Variants in STK17B observed in about 807,000 individuals in gnomAD.
The protein encoded by STK17B is serine/threonine kinase 17b.
Under a neutral mutation model 42.0 loss-of-function variants are expected in STK17B, and 21 were observed. That is an observed-to-expected ratio of 0.50 (90% CI 0.35 to 0.72). STK17B has a LOEUF of 0.72. STK17B is among the 30% of genes least tolerant of loss of function. The probability of loss-of-function intolerance (pLI) is 0.00; values close to 1 mark genes in which losing one functional copy is unlikely to be tolerated. For synonymous variants in STK17B, 143 were observed against 148.4 expected (o/e 0.96, Z 0.26); for missense variants, 349 against 446.0 (o/e 0.78, Z 1.96).
upstream of STK17B, among the ~76,000 whole-genome samples, chr2:196,173,794 C>T (rs536670724): frequency 8.1e-4 from 123 of 152,200 alleles, 1 homozygote; most frequent in Non-Finnish European, 5.3e-4. Context: ...CCAGGGATGG[C>T]GGTTGTTATG....
chr2:196,153,817 A>G (rs1699700996), intron 3 of STK17B: 1 of 152,244 alleles, frequency 6.6e-6, no homozygotes, highest in South Asian at 2.1e-4. Context: ...GAAACTGATT[A>G]GAACTCATTA....
intron 3 of STK17B, among the ~76,000 whole-genome samples, chr2:196,148,586 G>C (rs1481259021): frequency 1.3e-5 from 2 of 151,856 alleles, no homozygotes; most frequent in Non-Finnish European, 1.5e-5. Flanking sequence ...ATAAAAATCA[G>C]ACCAAATAAC....
In STK17B at chr2:196,162,399, TTTC is replaced by T. The variant is rs372427877; in HGVS notation, c.122+860_122+862del. Among the ~76,000 whole-genome samples, 1,039 of 150,786 alleles carry T rather than the reference TTTC, an allele frequency of 6.9e-3. 2 individuals carry two copies. The highest frequency in any genetic ancestry group is 0.011 in the Non-Finnish European group (736 of 67,768). On this transcript the variant is annotated intron_variant, in intron 2 of 7. Coordinates refer to ENST00000263955, the MANE Select transcript of STK17B (RefSeq NM_004226.4). ...TTAGGAGAGGGGGAGAATCTCCCTA[TTTC>T]TTCTTCTTCTTCTTTTTTTTTTTTT...
intron 3 of STK17B, chr2:196,153,846 A>G (rs552696591): frequency 6.6e-6 from 1 of 152,332 alleles, no homozygotes; most frequent in East Asian, 1.9e-4. Flanking sequence ...ATAATGGGTT[A>G]TTTTCCATTA....
chr2:196,157,402 C>T (rs1172157909), intron 2 of STK17B, among the ~76,000 whole-genome samples: 1 of 152,072 alleles, frequency 6.6e-6, no homozygotes, highest in Non-Finnish European at 1.5e-5. Flanking sequence ...ATTAGAATAG[C>T]TTACCTTTAA....
At chr2:196,145,021 C>G (rs184269832) in intron 4 of STK17B, among the ~76,000 whole-genome samples, 1 of 151,574 alleles carries the variant, frequency 6.6e-6, no homozygotes, top group Non-Finnish European at 1.5e-5. Flanking sequence ...AATGACCCAA[C>G]AGGAAGCTGG....
Position 196,151,782 on chromosome 2 carries a change from C to G in STK17B, c.335+4657G>C, listed in dbSNP as rs1473299354. On this transcript the variant is annotated intron_variant, in intron 3 of 7. Transcript: ENST00000263955. ...TTTTCCTCCATATGTATAAATAGAT[C>G]TAATACTACCTTCCAGAAAAGTAAG... 2.0e-5 allele frequency among the ~76,000 whole-genome samples: 3 copies of G among 152,086 alleles called. No individual in the cohort carries two copies. The East Asian group carries it at 5.8e-4, about 29-fold the overall frequency.
At chr2:196,147,435 TG>T (rs1261113001) in intron 3 of STK17B, among the ~76,000 whole-genome samples, 1 of 152,074 alleles carries the variant, frequency 6.6e-6, no homozygotes, top group Non-Finnish European at 1.5e-5. Flanking sequence ...GGAAAAAATA[TG>T]TCATAAGTGT....
chr2:196,174,312 G>C (rs569974455), upstream of STK17B: 9 of 152,272 alleles, frequency 5.9e-5, no homozygotes, highest in African/African-American at 9.6e-5. Context: ...ATTCTGTCCA[G>C]GGAAGGGACC....
At chr2:196,159,613 C>G (rs1699786261) in intron 2 of STK17B, among the ~76,000 whole-genome samples, 1 of 152,152 alleles carries the variant, frequency 6.6e-6, no homozygotes, top group Non-Finnish European at 1.5e-5. Flanking sequence ...TGCACCAGCC[C>G]AAGAGGCTTT....
At chr2:196,174,813 C>T (rs958944463), upstream of STK17B, among the ~76,000 whole-genome samples, 3 of 152,246 alleles carry the variant, frequency 2.0e-5, no homozygotes, top group African/African-American at 7.2e-5. Context: ...CATCCCCTGA[C>T]TCTCTTGAAA....
Position 196,156,566 on chromosome 2 carries a change from CTCT to C in STK17B, c.205_207del (p.Arg69del), listed in dbSNP as rs1699741490. ...AAAATTTCTGCTCGACAATCCTGTC[CTCT>C]TCTTCTCTTTTTTAGAAATTTTGCA... On this transcript the variant is annotated inframe_deletion, in exon 3 of 8. Coordinates refer to ENST00000263955, the MANE Select transcript of STK17B (RefSeq NM_004226.4). 3 of 1,613,928 alleles carry C rather than the reference CTCT, an allele frequency of 1.9e-6. No homozygotes were observed. The highest frequency in any genetic ancestry group is 2.5e-6 in the Non-Finnish European group (3 of 1,179,992).
At chr2:196,151,213 A>G (rs1699661029) in intron 3 of STK17B, 1 of 152,118 alleles carries the variant, frequency 6.6e-6, no homozygotes, top group Non-Finnish European at 1.5e-5. Flanking sequence ...CACTATTTCT[A>G]GGACAAAGTT....
chr2:196,142,335 A>G (rs7422042), intron 5 of STK17B, among the ~76,000 whole-genome samples: 111,312 of 152,058 alleles, frequency 0.73, 41,144 homozygotes, highest in East Asian at 0.91. Flanking sequence ...TGGGATTACA[A>G]GTGTGAGCCA....
intron 1 of STK17B, 54 bp from the exon 2 acceptor site, chr2:196,163,481 ATTACATTACACAGCTCCAAATATAGC>A: frequency 7.3e-7 from 1 of 1,371,206 alleles, no homozygotes. Context: ...CAGGATGTGC[ATTACATTACACAGCTCCAAATATAGC>A]TATAAAATAC....
intron 2 of STK17B, among the ~76,000 whole-genome samples, chr2:196,157,517 A>G (rs1699755393): frequency 6.6e-6 from 1 of 152,186 alleles, no homozygotes; most frequent in Non-Finnish European, 1.5e-5. Flanking sequence ...AACTATCACA[A>G]TTGTCAATTG....
In STK17B at chr2:196,139,816, G is replaced by A; in HGVS notation, c.657-17C>T. 1 of 1,337,304 alleles carries A rather than the reference G, an allele frequency of 7.5e-7. No homozygotes were observed. Among genetic ancestry groups the A allele is most frequent in the Non-Finnish European group, 9.7e-7 (1 of 1,033,452 alleles). 82.8% of individuals were successfully genotyped at this position (1,337,304 alleles called of 1,614,324 possible). A position where few individuals can be genotyped will look rare whatever the true frequency, so the allele number is the denominator to read the frequency against. On this transcript the variant is annotated splice_polypyrimidine_tract_variant and intron_variant, in intron 6 of 7. Coordinates refer to ENST00000263955, the MANE Select transcript of STK17B (RefSeq NM_004226.4). ...CCAATATTCCTGAAAAACAAGGGAG[G>A]GGAACTTAAAATGTATGTTAATTTT...
intron 1 of STK17B, among the ~76,000 whole-genome samples, chr2:196,164,920 T>C (rs1464194964): frequency 6.6e-6 from 1 of 152,202 alleles, no homozygotes; most frequent in African/African-American, 2.4e-5. Flanking sequence ...GGTACATCTC[T>C]AGGAGTCAAA....
chr2:196,137,672 A>G lies in STK17B; in HGVS notation c.894T>C (p.Phe298=), dbSNP rs374655630. 2.0e-5 allele frequency: 32 copies of G among 1,614,126 alleles called. 1 individual carries two copies. The South Asian group carries it at 2.4e-4, about 12-fold the overall frequency. ...TTTCTTCAGGGTGAAACAAGTTTTC[A>G]AAGTCCCACTGCTGTAGCCAAGAAT... is the stretch of plus-strand genomic sequence containing the variant. ...LSHSWLQQWD[F]ENLFHPEETS... The change falls in exon 8 of 8, where the codon TTT becomes TTC. Residue 298 remains phenylalanine (F), a synonymous_variant. Transcript: ENST00000263955.
Sources: gnomAD v4.1 joint callset for allele counts (sites outside exome capture counted in the v4.1 genomes callset) on GRCh38, gnomAD v4.1.1 for gene constraint, MANE v1.5 for transcripts, NCBI Gene and HGNC (gene_info 2026-07-23, HGNC 2026-07-21) for gene names.